The following NBN variants were observed in gnomAD, a reference collection of about 807,000 sequenced individuals.
NBN encodes nibrin.
In NBN, 88 loss-of-function variants were observed where a neutral mutation model predicts 90.8. That is an observed-to-expected ratio of 0.97 (90% CI 0.82 to 1.16). The LOEUF (loss-of-function observed/expected upper bound fraction) is 1.16, where lower values mean the gene tolerates loss of function less well. Ranked by LOEUF, NBN falls within the 50% of genes most tolerant of loss-of-function variation. The probability of loss-of-function intolerance (pLI) is 0.00; values close to 1 mark genes in which losing one functional copy is unlikely to be tolerated. For missense variants in NBN, 894 were observed against 869.6 expected (o/e 1.03, Z -0.35); for synonymous variants, 328 against 295.1 (o/e 1.11, Z -1.14).
chr8:89,946,969 C>T (rs897166614), intron 12 of NBN, among the ~76,000 whole-genome samples: 46 of 152,092 alleles, frequency 3.0e-4, no homozygotes, highest in African/African-American at 1.0e-3. Context: ...TTAAGGTTGA[C>T]ATCTTAGTTC....
chr8:89,970,241 C>T (rs977996346), intron 7 of NBN, 123 bp downstream of exon 7: 3 of 777,922 alleles, frequency 3.9e-6, no homozygotes, highest in African/African-American at 3.5e-5. Context: ...AAGAGCAAGA[C>T]TCCGTCTCAA....
chr8:89,936,506 T>C (rs1013087113), intron 15 of NBN, among the ~76,000 whole-genome samples: 1 of 147,874 alleles, frequency 6.8e-6, no homozygotes, highest in African/African-American at 2.5e-5. Context: ...TATTAGTATT[T>C]CAGAGGCAAT....
chr8:89,983,119 G>GA (rs999726971), intron 1 of NBN, among the ~76,000 whole-genome samples: 1 of 151,584 alleles, frequency 6.6e-6, no homozygotes, highest in South Asian at 2.1e-4. Flanking sequence ...AAGAGAAAAA[G>GA]AAAAAAAGGT....
intron 5 of NBN, among the ~76,000 whole-genome samples, chr8:89,977,501 T>A (rs1266444569): frequency 6.6e-6 from 1 of 152,226 alleles, no homozygotes; most frequent in Non-Finnish European, 1.5e-5. Context: ...TGGTTCCAAG[T>A]CTTTGCTGTT....
Position 89,971,077 on chromosome 8 carries a change from C to A in NBN, c.702+96G>T, listed in dbSNP as rs13312879. 453 of 1,372,070 alleles carry A rather than the reference C, an allele frequency of 3.3e-4. 5 individuals are homozygous for A. The South Asian group carries it at 5.4e-3, about 16-fold the overall frequency. 85.0% of individuals were successfully genotyped at this position (1,372,070 alleles called of 1,614,324 possible). On this transcript the variant is annotated intron_variant, in intron 6 of 15. Coordinates refer to ENST00000265433, the MANE Select transcript of NBN (RefSeq NM_002485.5). ...TACTTCACACTTTTACACAAAATCCCAAAATGAAATACGTTAACAACTACT... is the reference window on the plus strand; with the variant it reads ...TACTTCACACTTTTACACAAAATCCAAAAATGAAATACGTTAACAACTACT...
At chr8:89,950,498 G>A (rs1250967642) in intron 11 of NBN, among the ~76,000 whole-genome samples, 1 of 151,984 alleles carries the variant, frequency 6.6e-6, no homozygotes, top group Admixed American at 6.5e-5. Context: ...AAAATCAGAG[G>A]ATGTGGGACC....
intron 7 of NBN, among the ~76,000 whole-genome samples, chr8:89,965,742 G>C (rs537594931): frequency 2.0e-5 from 3 of 152,020 alleles, no homozygotes; most frequent in Admixed American, 2.0e-4. Context: ...CACCCTCCTC[G>C]GCCTCCCAAA....
Position 89,977,360 on chromosome 8 carries a change from G to A in NBN, c.584+860C>T, listed in dbSNP as rs182732396. 5.0e-3 allele frequency among the ~76,000 whole-genome samples: 754 copies of A among 152,128 alleles called. 8 individuals carry two copies. The highest frequency in any genetic ancestry group is 0.017 in the African/African-American group (690 of 41,490). On this transcript the variant is annotated intron_variant, in intron 5 of 15. Coordinates refer to ENST00000265433, the MANE Select transcript of NBN (RefSeq NM_002485.5). The stretch of plus-strand genomic sequence containing the variant: ...CCTGTGTTAGTTTGCTGAGAATGAT[G>A]GTTTCCAGCTTCATCCATGTCCCTG...
intron 5 of NBN, among the ~76,000 whole-genome samples, chr8:89,975,038 TCTC>T (rs1236644971): frequency 1.3e-5 from 2 of 152,216 alleles, no homozygotes; most frequent in African/African-American, 4.8e-5. Context: ...GACATACAAA[TCTC>T]CTCTATTAGA....
At chr8:89,961,793 A>G (rs537999251) in intron 8 of NBN, among the ~76,000 whole-genome samples, 123 of 152,312 alleles carry the variant, frequency 8.1e-4, no homozygotes, top group African/African-American at 2.8e-3. Context: ...TTGAGAAAAG[A>G]GAAGGTAATT....
intron 9 of NBN, among the ~76,000 whole-genome samples, chr8:89,957,676 A>G (rs1446036145): frequency 1.3e-5 from 2 of 152,142 alleles, no homozygotes; most frequent in East Asian, 3.9e-4. Context: ...CTTTTATACA[A>G]TATTTTTTCT....
rs13312895 is a variant in NBN at position 89,963,568 on chromosome 8, T to A, written c.994+842A>T. Among the ~76,000 whole-genome samples, 703 of 152,288 alleles carry A rather than the reference T, an allele frequency of 4.6e-3. 5 individuals are homozygous for A. The highest frequency in any genetic ancestry group is 7.9e-3 in the Non-Finnish European group (535 of 68,032). On this transcript the variant is annotated intron_variant, in intron 8 of 15. Transcript: ENST00000265433. ...ATTTTTACAACAACTTACTAAAAAATTTTTTTAAAAACTATGGAAATGTGT... is the reference window on the plus strand; with the variant it reads ...ATTTTTACAACAACTTACTAAAAAAATTTTTTAAAAACTATGGAAATGTGT...
At chr8:89,944,208 T>G (rs796807594) in intron 13 of NBN, among the ~76,000 whole-genome samples, 5 of 152,252 alleles carry the variant, frequency 3.3e-5, no homozygotes, top group African/African-American at 1.2e-4. Context: ...ACTTCTTCTC[T>G]AAGCAATTTA....
chr8:89,970,541 G>C lies in NBN; in HGVS notation c.719C>G (p.Ser240Cys). 6.2e-7 allele frequency: 1 copy of C among 1,613,564 alleles called. No individual in the cohort carries two copies. The highest frequency in any genetic ancestry group is 8.5e-7 in the Non-Finnish European group (1 of 1,179,588). ...TTCCCCACCTCCAAAGACAACTGCG[G>C]AACTCAATTTCTTATGCTAAAAATG... ...LNAKQHKKLS[S>C]AVVFGGGEAR... Residue 240 changes from serine to cysteine, a missense_variant, in exon 7 of 16, where the codon TCC becomes TGC. Physicochemically the swap from Ser to Cys is moderately radical, Grantham distance 112. Coordinates refer to ENST00000265433, the MANE Select transcript of NBN (RefSeq NM_002485.5).
rs587782656 is a variant in NBN, at chr8:89,958,825, G to A, written c.1024C>T (p.Leu342Phe). ...TCATCAACTGACACGCCTTGTGAAA[G>A]GCTTGGTCCTGGAGTTGTTGTCTTT... Reference protein sequence around the residue: ...GLKTTTPGPSLSQGVSVDEKL... With the variant: ...GLKTTTPGPSFSQGVSVDEKL... Residue 342 changes from leucine to phenylalanine, a missense_variant, in exon 9 of 16, where the codon CTT becomes TTT. Leu to Phe is a conservative substitution (Grantham distance 22). Coordinates refer to ENST00000265433, the MANE Select transcript of NBN (RefSeq NM_002485.5). The A allele has an allele frequency of 1.9e-6, 3 of 1,613,874 alleles. No homozygotes were observed. Among genetic ancestry groups the A allele is most frequent in the Non-Finnish European group, 1.7e-6 (2 of 1,179,784 alleles).
At chr8:89,945,682 A>G (rs1359362684) in intron 13 of NBN, among the ~76,000 whole-genome samples, 1 of 152,184 alleles carries the variant, frequency 6.6e-6, no homozygotes. Context: ...GCAGAAACTC[A>G]GGTCTGATGA....
intron 4 of NBN, among the ~76,000 whole-genome samples, chr8:89,979,576 G>C (rs1811956661): frequency 6.6e-6 from 1 of 151,820 alleles, no homozygotes. Context: ...AAGAATAAAT[G>C]GTCTTTAAAT....
chr8:89,943,576 T>A (rs547710831), intron 13 of NBN, among the ~76,000 whole-genome samples: 2 of 152,186 alleles, frequency 1.3e-5, no homozygotes, highest in African/African-American at 4.8e-5. Context: ...GATCTGGACA[T>A]GTCATGGGAT....
At chr8:89,956,062 C>T (rs1007558793) in intron 9 of NBN, among the ~76,000 whole-genome samples, 1 of 151,544 alleles carries the variant, frequency 6.6e-6, no homozygotes, top group Non-Finnish European at 1.5e-5. Flanking sequence ...AGATGGCAGA[C>T]TCGAGAATAG....
Sources: gnomAD v4.1 joint callset for allele counts (sites outside exome capture counted in the v4.1 genomes callset) on GRCh38, gnomAD v4.1.1 for gene constraint, MANE v1.5 for transcripts, NCBI Gene and HGNC (gene_info 2026-07-23, HGNC 2026-07-21) for gene names.